Variants in HS6ST2 observed in about 807,000 individuals in gnomAD.
HS6ST2 encodes heparan-sulfate 6-O-sulfotransferase 2.
Under a neutral mutation model 33.0 loss-of-function variants are expected in HS6ST2, and 17 were observed. That is an observed-to-expected ratio of 0.52 (90% CI 0.35 to 0.77). The LOEUF is 0.77. Ranked by LOEUF, HS6ST2 falls within the 30% of genes least tolerant of loss-of-function variation. HS6ST2 has a pLI of 0.01. For synonymous variants in HS6ST2, 248 were observed against 237.1 expected (o/e 1.05, Z -0.42); for missense variants, 519 against 551.7 (o/e 0.94, Z 0.59).
rs147454817 is a variant in HS6ST2 at position 132,776,617 on chromosome X, T to C, written c.948-68123A>G. Reference sequence around the variant, plus strand: ...CACTCCAAACCATCCTACACACTACTGGCAGAGTCACTATCCAAACCCCCC... The same window carrying C: ...CACTCCAAACCATCCTACACACTACCGGCAGAGTCACTATCCAAACCCCCC... On this transcript the variant is annotated intron_variant, in intron 2 of 4. Transcript: ENST00000370833. Among the ~76,000 whole-genome samples, 951 of 110,693 alleles carry C rather than the reference T, an allele frequency of 8.6e-3. 11 individuals carry two copies. The highest frequency in any genetic ancestry group is 0.014 in the Non-Finnish European group (760 of 52,922).
At chrX:132,951,692 T>A (rs965531510) in intron 2 of HS6ST2, among the ~76,000 whole-genome samples, 2 of 111,707 alleles carry the variant, frequency 1.8e-5, no homozygotes, top group African/African-American at 6.5e-5. Flanking sequence ...TTATCTTGGC[T>A]TTTTTGGTTT....
intron 4 of HS6ST2, among the ~76,000 whole-genome samples, chrX:132,662,271 G>C (rs957338251): frequency 2.8e-4 from 31 of 110,377 alleles, no homozygotes; most frequent in East Asian, 1.4e-3. Flanking sequence ...AAAAGTGAAA[G>C]AGAAGGAGAG....
chrX:132,848,879 C>T (rs1348511579), intron 2 of HS6ST2, among the ~76,000 whole-genome samples: 6 of 111,315 alleles, frequency 5.4e-5, no homozygotes, highest in Admixed American at 3.8e-4. Context: ...CTTGATCTTT[C>T]CTCACATACT....
chrX:132,781,592 A>C (rs925606767), intron 2 of HS6ST2, among the ~76,000 whole-genome samples: 1 of 111,560 alleles, frequency 9.0e-6, no homozygotes, highest in Non-Finnish European at 1.9e-5. Context: ...ACTGCCCGAG[A>C]CTGGGCAATT....
intron 4 of HS6ST2, among the ~76,000 whole-genome samples, chrX:132,638,414 A>G (rs1196285521): frequency 9.0e-6 from 1 of 111,422 alleles, no homozygotes; most frequent in Non-Finnish European, 1.9e-5. Context: ...CAGTCTCATA[A>G]AAGAAGTGTG....
chrX:132,695,818 G>A (rs930347233), intron 3 of HS6ST2, among the ~76,000 whole-genome samples: 28 of 112,081 alleles, frequency 2.5e-4, no homozygotes, highest in Non-Finnish European at 2.8e-4. Context: ...TGAAAGCCTG[G>A]TGAACACAGC....
intron 3 of HS6ST2, among the ~76,000 whole-genome samples, chrX:132,690,433 T>G (rs771962556): frequency 8.9e-6 from 1 of 112,066 alleles, no homozygotes; most frequent in Admixed American, 9.5e-5. Flanking sequence ...TGTTTTATGT[T>G]CAAACATTAG....
intron 4 of HS6ST2, among the ~76,000 whole-genome samples, chrX:132,658,305 T>C (rs2063745723): frequency 9.0e-6 from 1 of 111,530 alleles, no homozygotes; most frequent in Admixed American, 9.5e-5. Context: ...AATGCATGCA[T>C]TTAAAGCACT....
chrX:132,796,172 G>T (rs757212652), intron 2 of HS6ST2, among the ~76,000 whole-genome samples: 87 of 111,973 alleles, frequency 7.8e-4, no homozygotes, highest in African/African-American at 2.8e-3. Flanking sequence ...TTTGGGTCAA[G>T]GGTGAGGCAC....
chrX:132,813,169 T>C (rs973285710), intron 2 of HS6ST2, among the ~76,000 whole-genome samples: 2 of 111,816 alleles, frequency 1.8e-5, no homozygotes, highest in African/African-American at 6.5e-5. Flanking sequence ...TCTACTTGGT[T>C]TGCTTCTTAT....
intron 2 of HS6ST2, among the ~76,000 whole-genome samples, chrX:132,912,938 C>T (rs1185566553): frequency 9.0e-6 from 1 of 111,676 alleles, no homozygotes; most frequent in African/African-American, 3.3e-5. Flanking sequence ...CTACCCTTCC[C>T]TAATTGGCTT....
intron 2 of HS6ST2, among the ~76,000 whole-genome samples, chrX:132,816,849 G>T (rs1693162004): frequency 9.0e-6 from 1 of 111,401 alleles, no homozygotes; most frequent in Non-Finnish European, 1.9e-5. Context: ...AGTACAAAGA[G>T]GCCCATTAGG....
At chrX:132,639,799 T>G (rs2063588671) in intron 4 of HS6ST2, among the ~76,000 whole-genome samples, 1 of 111,408 alleles carries the variant, frequency 9.0e-6, no homozygotes, top group African/African-American at 3.3e-5. Flanking sequence ...GGGAGGAGGT[T>G]GGGGAAATTT....
At chrX:132,637,877 TA>T (rs113068167) in intron 4 of HS6ST2, among the ~76,000 whole-genome samples, 8,261 of 51,320 alleles carry the variant, frequency 0.16, 1,559 homozygotes, top group African/African-American at 0.58. Context: ...TTATATATAA[TA>T]TATATATAAT....
intron 2 of HS6ST2, among the ~76,000 whole-genome samples, chrX:132,828,318 A>G (rs1476899122): frequency 9.0e-6 from 1 of 110,572 alleles, no homozygotes; most frequent in Non-Finnish European, 1.9e-5. Flanking sequence ...CTTGAAGGGA[A>G]AAAAAAGGTA....
intron 2 of HS6ST2, among the ~76,000 whole-genome samples, chrX:132,794,568 G>GATT (rs200135097): frequency 6.4e-4 from 63 of 98,041 alleles, no homozygotes; most frequent in African/African-American, 2.4e-3. Flanking sequence ...TGATGATGAT[G>GATT]ATGATGATTA....
intron 2 of HS6ST2, among the ~76,000 whole-genome samples, chrX:132,754,471 C>A (rs1407725249): frequency 9.5e-6 from 1 of 105,648 alleles, no homozygotes; most frequent in Non-Finnish European, 1.9e-5. Context: ...GGTTGGAGTG[C>A]AGTGGAGCAA....
chrX:132,643,745 G>A (rs2063619600), intron 4 of HS6ST2, among the ~76,000 whole-genome samples: 1 of 111,523 alleles, frequency 9.0e-6, no homozygotes, highest in Non-Finnish European at 1.9e-5. Context: ...TTTGGTTGAC[G>A]TTCACTTATT....
intron 2 of HS6ST2, among the ~76,000 whole-genome samples, chrX:132,910,965 C>T (rs1031240128): frequency 3.6e-5 from 4 of 110,739 alleles, no homozygotes; most frequent in Admixed American, 2.9e-4. Context: ...GCCTGGCCAA[C>T]ATGGTGAAAC....
Sources: gnomAD v4.1 joint callset for allele counts (sites outside exome capture counted in the v4.1 genomes callset) on GRCh38, gnomAD v4.1.1 for gene constraint, MANE v1.5 for transcripts, NCBI Gene and HGNC (gene_info 2026-07-23, HGNC 2026-07-21) for gene names.